Variants in DPYD observed in about 807,000 individuals in gnomAD.
The protein encoded by DPYD is dihydropyrimidine dehydrogenase.
In DPYD, 109 loss-of-function variants were observed where a neutral mutation model predicts 116.2. The observed-to-expected ratio is 0.94, with a 90% CI of 0.80 to 1.10. The LOEUF (loss-of-function observed/expected upper bound fraction) is 1.10. Among genes scored for constraint, DPYD ranks in the 50% least tolerant of loss-of-function variants. DPYD has a pLI of 0.00. For missense variants in DPYD, 1,302 were observed against 1,254.5 expected, an observed-to-expected ratio of 1.04 and a Z score of -0.57; for synonymous variants, 440 against 432.0, an observed-to-expected ratio of 1.02 and a Z score of -0.23.
intron 1 of DPYD, among the ~76,000 whole-genome samples, chr1:97,891,218 G>C (rs1477923385): frequency 6.6e-6 from 1 of 151,844 alleles, no homozygotes; most frequent in Non-Finnish European, 1.5e-5. Context: ...TTTTTCCTAA[G>C]AAATGGCCAA....
chr1:97,627,827 ATAT>A lies in DPYD; in HGVS notation c.851-32664_851-32662del, dbSNP rs1369736231. On this transcript the variant is annotated intron_variant, in intron 8 of 22. Transcript: ENST00000370192. The stretch of plus-strand genomic sequence containing the variant: ...ACATTACTAATAGTATTATATATTA[ATAT>A]TATATAAAACACATATACATATACA... 4.6e-5 allele frequency among the ~76,000 whole-genome samples: 7 copies of A among 151,504 alleles called. No individual in the cohort carries two copies. In the East Asian group the frequency reaches 1.4e-3, roughly 29 times the overall value.
At chr1:97,306,726 C>A (rs61786355) in intron 16 of DPYD, among the ~76,000 whole-genome samples, 2 of 151,902 alleles carry the variant, frequency 1.3e-5, no homozygotes, top group East Asian at 3.9e-4. Context: ...GATATTAAAT[C>A]TAAAGCTTGT....
At chr1:97,815,671 T>C (rs1462730762) in intron 3 of DPYD, among the ~76,000 whole-genome samples, 4 of 152,202 alleles carry the variant, frequency 2.6e-5, no homozygotes, top group African/African-American at 9.7e-5. Context: ...TTGACAACTC[T>C]TTCATTAGGC....
At chr1:97,116,508 CA>C (rs1651976327) in intron 20 of DPYD, among the ~76,000 whole-genome samples, 1 of 151,506 alleles carries the variant, frequency 6.6e-6, no homozygotes, top group South Asian at 2.1e-4. Context: ...CCTGTCTCTA[CA>C]AAAAATACAA....
At chr1:97,904,904 A>G (rs1334739538) in intron 1 of DPYD, among the ~76,000 whole-genome samples, 9 of 152,026 alleles carry the variant, frequency 5.9e-5, no homozygotes, top group Admixed American at 3.3e-4. Flanking sequence ...ATCAGTTGCC[A>G]TGGGTATTAA....
At chr1:97,297,742 A>T (rs1438906808) in intron 18 of DPYD, among the ~76,000 whole-genome samples, 1 of 152,196 alleles carries the variant, frequency 6.6e-6, no homozygotes, top group Non-Finnish European at 1.5e-5. Flanking sequence ...ATTTGCATGT[A>T]AGCACTGTCC....
intron 16 of DPYD, among the ~76,000 whole-genome samples, chr1:97,357,300 T>C (rs1670473295): frequency 6.6e-6 from 1 of 152,112 alleles, no homozygotes; most frequent in Non-Finnish European, 1.5e-5. Context: ...TACAGAAACA[T>C]CATTGATTTT....
chr1:97,167,577 G>C (rs928169446), intron 20 of DPYD, among the ~76,000 whole-genome samples: 1 of 152,118 alleles, frequency 6.6e-6, no homozygotes, highest in Admixed American at 6.6e-5. Context: ...ATTTTGAATT[G>C]GTGAAAAGAC....
At chr1:97,278,618 A>T (rs553389042) in intron 18 of DPYD, among the ~76,000 whole-genome samples, 5 of 152,318 alleles carry the variant, frequency 3.3e-5, no homozygotes, top group Admixed American at 1.3e-4. Context: ...CCCCTCTAAA[A>T]GTTTCAAAAT....
chr1:97,584,692 C>A lies in DPYD; in HGVS notation c.1128+8526G>T, dbSNP rs890256924. On this transcript the variant is annotated intron_variant, in intron 10 of 22. Coordinates refer to ENST00000370192, the MANE Select transcript of DPYD (RefSeq NM_000110.4). Reference sequence around the variant, plus strand: ...GAAACCATCATTCTCAGCAAACTACCGCAACGACAAAAAGCCAAACACTGC... The same window carrying A: ...GAAACCATCATTCTCAGCAAACTACAGCAACGACAAAAAGCCAAACACTGC... Among the ~76,000 whole-genome samples, 4 of 150,152 alleles carry A rather than the reference C, an allele frequency of 2.7e-5. No individual in the cohort carries two copies. The East Asian group carries it at 7.8e-4, about 29-fold the overall frequency.
intron 15 of DPYD, among the ~76,000 whole-genome samples, chr1:97,375,877 C>G (rs1290712393): frequency 6.6e-6 from 1 of 152,182 alleles, no homozygotes; most frequent in Non-Finnish European, 1.5e-5. Context: ...CAGCAATTAA[C>G]AGCAAATCAA....
chr1:97,880,058 A>ATATATAGAGAGAGATATATGTATATATT (rs1558027874), intron 2 of DPYD, among the ~76,000 whole-genome samples: 2 of 151,304 alleles, frequency 1.3e-5, no homozygotes, highest in African/African-American at 4.8e-5. Context: ...ATGTATATAT[A>ATATATAGAGAGAGATATATGTATATATT]TCAATATATA....
intron 3 of DPYD, among the ~76,000 whole-genome samples, chr1:97,823,246 C>T (rs1391157540): frequency 1.3e-5 from 2 of 152,028 alleles, no homozygotes; most frequent in Non-Finnish European, 2.9e-5. Flanking sequence ...GCTCCACCTC[C>T]CCGGTTCATG....
chr1:97,286,005 C>T (rs1665654054), intron 18 of DPYD, among the ~76,000 whole-genome samples: 1 of 152,138 alleles, frequency 6.6e-6, no homozygotes, highest in Non-Finnish European at 1.5e-5. Context: ...GATGCAGTTT[C>T]TTCCTAGTCT....
At chr1:97,537,824 A>C (rs1650130618) in intron 12 of DPYD, among the ~76,000 whole-genome samples, 1 of 152,206 alleles carries the variant, frequency 6.6e-6, no homozygotes, top group Admixed American at 6.5e-5. Context: ...GAAGAAATGG[A>C]AGACATGAAT....
intron 6 of DPYD, among the ~76,000 whole-genome samples, chr1:97,697,711 A>G (rs910438372): frequency 5.3e-5 from 8 of 152,108 alleles, no homozygotes; most frequent in Non-Finnish European, 7.4e-5. Flanking sequence ...TAAATTTAAA[A>G]AAAACAAGTT....
chr1:97,680,313 G>A (rs1461615932), intron 7 of DPYD, among the ~76,000 whole-genome samples: 2 of 152,144 alleles, frequency 1.3e-5, no homozygotes, highest in Non-Finnish European at 2.9e-5. Context: ...GATGGGGAGA[G>A]ATGTTAGTGG....
chr1:97,879,508 G>A lies in DPYD; in HGVS notation c.150+3756C>T, dbSNP rs573381665. Among the ~76,000 whole-genome samples, 72 of 151,918 alleles carry A rather than the reference G, an allele frequency of 4.7e-4. 1 individual carries two copies. Among genetic ancestry groups the A allele is most frequent in the African/African-American group, 1.4e-3 (59 of 41,496 alleles). ...GGATAGTTCAACATTTTCAAAAATG[G>A]CAAAAATAAACAGCAGTTATGGAAC... On this transcript the variant is annotated intron_variant, in intron 2 of 22. Coordinates refer to ENST00000370192, the MANE Select transcript of DPYD (RefSeq NM_000110.4).
chr1:97,435,864 A>T (rs542209417), intron 14 of DPYD, among the ~76,000 whole-genome samples: 2 of 152,086 alleles, frequency 1.3e-5, no homozygotes, highest in East Asian at 3.9e-4. Context: ...GGGGAGAAAA[A>T]AAATATATAG....
Sources: allele counts gnomAD v4.1 joint callset (sites outside exome capture counted in the v4.1 genomes callset), GRCh38; gene constraint gnomAD v4.1.1; transcripts MANE v1.5; gene names NCBI Gene and HGNC (gene_info 2026-07-23, HGNC 2026-07-21).